TULP3: variants seen among roughly 807,000 people sequenced by gnomAD.
TULP3 encodes TUB like protein 3.
In TULP3, 38 loss-of-function variants were observed where a neutral mutation model predicts 50.7. The ratio of observed to expected loss-of-function variants is 0.75; its 90% CI spans 0.58 to 0.98. The LOEUF (loss-of-function observed/expected upper bound fraction) is 0.98. Ranked by LOEUF, TULP3 falls within the 50% of genes least tolerant of loss-of-function variation. The pLI is 0.00. For missense variants in TULP3, 550 were observed against 568.0 expected (o/e 0.97, Z 0.32); for synonymous variants, 183 against 196.6 (o/e 0.93, Z 0.58).
intron 1 of TULP3, among the ~76,000 whole-genome samples, chr12:2,898,567 A>T (rs1386421285): frequency 6.6e-6 from 1 of 152,240 alleles, no homozygotes; most frequent in Non-Finnish European, 1.5e-5. Context: ...GTTGTAGCAC[A>T]AAAGCAGCCA....
rs1386421285 is a variant in TULP3 at position 2,898,567 on chromosome 12, A to C, written c.41+7579A>C. On this transcript the variant is annotated intron_variant, in intron 1 of 10. Coordinates refer to ENST00000448120, the MANE Select transcript of TULP3 (RefSeq NM_003324.5). ...TTACTCAGTTTTGCTGTTGTAGCAC[A>C]AAAGCAGCCATAGATAATAGGTAAG... 4.6e-5 allele frequency among the ~76,000 whole-genome samples: 7 copies of C among 152,240 alleles called. No individual in the cohort carries two copies. The South Asian group carries it at 1.4e-3, about 31-fold the overall frequency.
At chr12:2,927,002 C>T (rs1249249510) in intron 4 of TULP3, among the ~76,000 whole-genome samples, 1 of 152,058 alleles carries the variant, frequency 6.6e-6, no homozygotes, top group Admixed American at 6.6e-5. Flanking sequence ...CAAAAGAAAC[C>T]TCATAACCTT....
chr12:2,924,535 G>C (rs2098193606), intron 4 of TULP3, among the ~76,000 whole-genome samples: 1 of 151,936 alleles, frequency 6.6e-6, no homozygotes, highest in African/African-American at 2.4e-5. Context: ...TTTTTAATTA[G>C]CTGGGTGTGG....
intron 2 of TULP3, among the ~76,000 whole-genome samples, chr12:2,917,679 C>T (rs1235133919): frequency 6.6e-6 from 1 of 151,922 alleles, no homozygotes; most frequent in African/African-American, 2.4e-5. Flanking sequence ...AGATCGAGAC[C>T]ATCCTGGCCA....
chr12:2,923,669 G>C (rs938018188), intron 4 of TULP3, among the ~76,000 whole-genome samples: 6 of 147,546 alleles, frequency 4.1e-5, no homozygotes, highest in African/African-American at 7.5e-5. Flanking sequence ...AAAAAGAAAA[G>C]AAAAAGAAAG....
chr12:2,938,065 C>G (rs771006100), intron 9 of TULP3, 49 bp from the exon 10 acceptor site: 3 of 1,592,206 alleles, frequency 1.9e-6, no homozygotes, highest in Non-Finnish European at 2.6e-6. Context: ...CCTTCTACCT[C>G]GTAGAGTTGG....
chr12:2,914,724 C>T lies in TULP3; in HGVS notation c.93+5144C>T, dbSNP rs10774081. Among the ~76,000 whole-genome samples the T allele has an allele frequency of 4.7e-5, 7 of 149,238 alleles. No individual in the cohort carries two copies. The East Asian group carries it at 8.1e-4, about 17-fold the overall frequency. On this transcript the variant is annotated intron_variant, in intron 2 of 10. Coordinates refer to ENST00000448120, the MANE Select transcript of TULP3 (RefSeq NM_003324.5). Reference sequence around the variant, plus strand: ...CTTGGCTCACTGCAACCTCTGCCTCCCAGATTCACGTGATTTTTGTGCCTC... The same window carrying T: ...CTTGGCTCACTGCAACCTCTGCCTCTCAGATTCACGTGATTTTTGTGCCTC...
At chr12:2,923,616 A>G (rs1591533277) in intron 4 of TULP3, among the ~76,000 whole-genome samples, 2 of 149,566 alleles carry the variant, frequency 1.3e-5, no homozygotes, top group South Asian at 4.2e-4. Flanking sequence ...GCACCATTGC[A>G]CTCCAGCCTG....
chr12:2,895,558 A>T (rs551240905), intron 1 of TULP3, among the ~76,000 whole-genome samples: 1 of 152,210 alleles, frequency 6.6e-6, no homozygotes, highest in Non-Finnish European at 1.5e-5. Context: ...GAATATTGAC[A>T]TTTAGGATTT....
intron 2 of TULP3, among the ~76,000 whole-genome samples, chr12:2,910,006 C>T (rs1410423019): frequency 6.6e-6 from 1 of 152,180 alleles, no homozygotes; most frequent in African/African-American, 2.4e-5. Flanking sequence ...AAATCTCCAT[C>T]GCAGGGCCGG....
At chr12:2,933,322 T>A in intron 6 of TULP3, 96 bp from the exon 7 acceptor site, 1 of 738,810 alleles carries the variant, frequency 1.4e-6, no homozygotes, top group Non-Finnish European at 2.4e-6. Flanking sequence ...GAGGACTTGC[T>A]AAGCACTGGC....
intron 2 of TULP3, among the ~76,000 whole-genome samples, chr12:2,914,821 T>G (rs142263142): frequency 1.3e-3 from 200 of 151,580 alleles, no homozygotes; most frequent in African/African-American, 4.7e-3. Flanking sequence ...TTCGTAGAGA[T>G]GGAGTTTCAC....
intron 1 of TULP3, among the ~76,000 whole-genome samples, chr12:2,891,646 A>G (rs1025789331): frequency 3.3e-5 from 5 of 152,198 alleles, no homozygotes; most frequent in Admixed American, 2.6e-4. Flanking sequence ...CGCTAGGTTA[A>G]TGAGAAGTTA....
chr12:2,913,769 C>A (rs1052036521), intron 2 of TULP3, among the ~76,000 whole-genome samples: 1 of 152,038 alleles, frequency 6.6e-6, no homozygotes, highest in Non-Finnish European at 1.5e-5. Context: ...CGCCACCACA[C>A]CTGGCTAATT....
intron 9 of TULP3, 127 bp downstream of exon 9, chr12:2,937,856 A>G (rs1565509930): frequency 1.1e-6 from 1 of 912,834 alleles, no homozygotes; most frequent in Non-Finnish European, 1.6e-6. Flanking sequence ...AGCTCCATAC[A>G]CTTCTTTAGG....
chr12:2,912,765 T>C (rs1188481433), intron 2 of TULP3, among the ~76,000 whole-genome samples: 2 of 152,196 alleles, frequency 1.3e-5, no homozygotes, highest in African/African-American at 4.8e-5. Context: ...GATCGGGACA[T>C]AGCTTGGTAT....
intron 3 of TULP3, among the ~76,000 whole-genome samples, chr12:2,921,439 C>G (rs1194973765): frequency 6.6e-6 from 1 of 152,208 alleles, no homozygotes; most frequent in African/African-American, 2.4e-5. Context: ...CCATGCCCGG[C>G]AAGAACTGTT....
At chr12:2,935,841 C>T (rs12818359) in intron 8 of TULP3, among the ~76,000 whole-genome samples, 24,600 of 151,844 alleles carry the variant, frequency 0.16, 2,395 homozygotes, top group South Asian at 0.27. Flanking sequence ...TGGTGGCAGT[C>T]GCTGGAGTCC....
intron 1 of TULP3, among the ~76,000 whole-genome samples, chr12:2,891,810 T>G (rs2098172255): frequency 1.3e-5 from 2 of 152,000 alleles, no homozygotes; most frequent in African/African-American, 2.4e-5. Flanking sequence ...CCCCAGCACT[T>G]TGGGAGGCCA....
Sources: gnomAD v4.1 joint callset for allele counts (sites outside exome capture counted in the v4.1 genomes callset) on GRCh38, gnomAD v4.1.1 for gene constraint, MANE v1.5 for transcripts, NCBI Gene and HGNC (gene_info 2026-07-23, HGNC 2026-07-21) for gene names.